Variants in PDE1C observed in about 807,000 individuals in gnomAD.
The protein encoded by PDE1C is dual specificity calcium/calmodulin-dependent 3',5'-cyclic nucleotide phosphodiesterase 1C.
Under a neutral mutation model 93.1 loss-of-function variants are expected in PDE1C, and 62 were observed. The ratio of observed to expected loss-of-function variants is 0.67; its 90% CI spans 0.54 to 0.82. The LOEUF (loss-of-function observed/expected upper bound fraction) is 0.82. Ranked by LOEUF, PDE1C falls within the 40% of genes least tolerant of loss-of-function variation. The probability of loss-of-function intolerance (pLI) is 0.00; values close to 1 mark genes in which losing one functional copy is unlikely to be tolerated. For missense variants in PDE1C, 742 were observed against 884.6 expected, an observed-to-expected ratio of 0.84 and a Z score of 2.04; for synonymous variants, 325 against 310.1, an observed-to-expected ratio of 1.05 and a Z score of -0.50.
intron 2 of PDE1C, among the ~76,000 whole-genome samples, chr7:31,965,208 G>GA (rs374315240): frequency 0.15 from 22,992 of 151,768 alleles, 2,096 homozygotes; most frequent in African/African-American, 0.25. Flanking sequence ...TAAAAACCTT[G>GA]AAAAAAAATT....
chr7:32,303,646 A>T (rs1326349038), upstream of PDE1C, among the ~76,000 whole-genome samples: 1 of 152,192 alleles, frequency 6.6e-6, no homozygotes, highest in Admixed American at 6.5e-5. Context: ...GGGGAAGATA[A>T]AAAGTGTGTG....
At chr7:31,642,617 C>A in the PDE1C span, 1 of 1,419,876 alleles carries the variant, frequency 7.0e-7, no homozygotes, top group African/African-American at 1.4e-5. Flanking sequence ...AAGAAAATCT[C>A]ACCTTAAACC....
At chr7:32,062,838 A>C (rs933694207) in intron 1 of PDE1C, among the ~76,000 whole-genome samples, 7 of 152,228 alleles carry the variant, frequency 4.6e-5, no homozygotes, top group African/African-American at 1.7e-4. Context: ...TGAATGAATG[A>C]CTGAATTTTC....
chr7:31,965,813 TA>T (rs1809844402), intron 2 of PDE1C, among the ~76,000 whole-genome samples: 1 of 152,188 alleles, frequency 6.6e-6, no homozygotes, highest in Non-Finnish European at 1.5e-5. Flanking sequence ...GCAACATTCT[TA>T]AAGAAAATAA....
At chr7:31,622,259 T>C in the PDE1C span, among the ~76,000 whole-genome samples, 3 of 145,446 alleles carry the variant, frequency 2.1e-5, no homozygotes, top group African/African-American at 7.6e-5. Flanking sequence ...GCGGACCTAA[T>C]AGGCATCTAC....
At chr7:31,978,850 C>G (rs1400714393) in intron 2 of PDE1C, among the ~76,000 whole-genome samples, 5 of 152,282 alleles carry the variant, frequency 3.3e-5, no homozygotes, top group Middle Eastern at 3.4e-3. Flanking sequence ...CCAATGGTCT[C>G]AGACTTTTGG....
chr7:32,059,907 CTG>C (rs1356104924), intron 1 of PDE1C, among the ~76,000 whole-genome samples: 1 of 152,150 alleles, frequency 6.6e-6, no homozygotes, highest in African/African-American at 2.4e-5. Context: ...CAACCACTTG[CTG>C]TGTTATAAGT....
At chr7:31,787,685 G>C (rs1784154717) in intron 16 of PDE1C, 1 of 152,162 alleles carries the variant, frequency 6.6e-6, no homozygotes, top group African/African-American at 2.4e-5. Flanking sequence ...GTGTAAACCA[G>C]AGTAAGATGC....
At chr7:32,322,505 G>A (rs1167139369) in intron 1 of PDE1C, among the ~76,000 whole-genome samples, 1 of 152,222 alleles carries the variant, frequency 6.6e-6, no homozygotes, top group Admixed American at 6.5e-5. Flanking sequence ...TCAGAAGCCT[G>A]AGGCAGGAGA....
chr7:31,819,846 G>A (rs1052593556), intron 14 of PDE1C, among the ~76,000 whole-genome samples: 3 of 148,076 alleles, frequency 2.0e-5, no homozygotes, highest in African/African-American at 7.3e-5. Flanking sequence ...CAACCAGAGA[G>A]AGAAAGAGAG....
chr7:32,112,457 T>C (rs1211597859), intron 3 of PDE1C, among the ~76,000 whole-genome samples: 1 of 152,132 alleles, frequency 6.6e-6, no homozygotes, highest in Non-Finnish European at 1.5e-5. Context: ...ATTTTAGTTT[T>C]CTTTTTTTAG....
chr7:32,140,951 C>CA (rs1563346778), intron 3 of PDE1C, among the ~76,000 whole-genome samples: 3 of 152,226 alleles, frequency 2.0e-5, no homozygotes, highest in Non-Finnish European at 4.4e-5. Context: ...TGGACTCTCT[C>CA]TCTTACCTGT....
chr7:31,816,194 A>G, intron 14 of PDE1C, 40 bp from the exon 15 acceptor site: 1 of 1,579,920 alleles, frequency 6.3e-7, no homozygotes, highest in Non-Finnish European at 8.7e-7. Context: ...AGAAAAGAGA[A>G]AAAGAGGTCA....
chr7:31,695,589 C>T, the PDE1C span: 13 of 1,613,690 alleles, frequency 8.1e-6, no homozygotes, highest in Non-Finnish European at 1.1e-5. Flanking sequence ...AGGAAAGATA[C>T]ACCGGCGCTG....
chr7:31,975,836 T>C (rs574626280), intron 2 of PDE1C, among the ~76,000 whole-genome samples: 6 of 152,290 alleles, frequency 3.9e-5, no homozygotes, highest in Admixed American at 2.0e-4. Flanking sequence ...GGTTCGATAA[T>C]TGATATTACT....
chr7:31,881,221 T>C (rs1226582495), intron 2 of PDE1C, among the ~76,000 whole-genome samples: 1 of 152,206 alleles, frequency 6.6e-6, no homozygotes, highest in Non-Finnish European at 1.5e-5. Context: ...CCTCTTGAGA[T>C]TCTGCTCTGT....
chr7:32,386,555 A>C (rs1055985213), intron 1 of PDE1C, among the ~76,000 whole-genome samples: 2 of 113,304 alleles, frequency 1.8e-5, no homozygotes, highest in Non-Finnish European at 3.6e-5. Flanking sequence ...TTTTGGATAA[A>C]TTTGTTGCTT....
intron 2 of PDE1C, among the ~76,000 whole-genome samples, chr7:31,964,293 C>A (rs1177625447): frequency 6.6e-6 from 1 of 152,208 alleles, no homozygotes; most frequent in East Asian, 1.9e-4. Flanking sequence ...TAACAAACGG[C>A]ACACCAGGAG....
chr7:31,794,033 T>TAGACAGAC (rs1234332130), intron 16 of PDE1C, among the ~76,000 whole-genome samples: 12 of 105,332 alleles, frequency 1.1e-4, no homozygotes, highest in East Asian at 3.1e-4. Context: ...GATAGATAGA[T>TAGACAGAC]AGATAGATAG....
Sources: gnomAD v4.1 joint callset for allele counts (sites outside exome capture counted in the v4.1 genomes callset) on GRCh38, gnomAD v4.1.1 for gene constraint, MANE v1.5 for transcripts, NCBI Gene and HGNC (gene_info 2026-07-23, HGNC 2026-07-21) for gene names.